The following FAS variants were observed in gnomAD, a reference collection of about 807,000 sequenced individuals.
FAS encodes the protein Fas cell surface death receptor.
A neutral mutation model predicts 33.2 loss-of-function variants in FAS; 5 were observed. That is an observed-to-expected ratio of 0.15 (90% CI 0.08 to 0.32). The LOEUF is 0.32. Ranked by LOEUF, FAS falls within the 10% of genes least tolerant of loss-of-function variation. The pLI, the probability that FAS is intolerant of heterozygous loss-of-function variation, is 1.00. For synonymous variants in FAS, 131 were observed against 130.7 expected (o/e 1.00, Z -0.01); for missense variants, 339 against 386.0 (o/e 0.88, Z 1.02).
chr10:88,992,771 A>G (rs1351669140), intron 1 of FAS, among the ~76,000 whole-genome samples: 1 of 152,146 alleles, frequency 6.6e-6, no homozygotes, highest in Non-Finnish European at 1.5e-5. Context: ...CTCCCCTCTA[A>G]TATGACTCTT....
At chr10:88,970,772 G>T (rs1440318863) in intron 1 of FAS, among the ~76,000 whole-genome samples, 2 of 152,034 alleles carry the variant, frequency 1.3e-5, no homozygotes, top group Non-Finnish European at 2.9e-5. Context: ...TAATGTAAAT[G>T]ACAAGTTAAT....
chr10:88,973,312 G>A, exon 2 of FAS: 2 of 1,591,580 alleles, frequency 1.3e-6, no homozygotes, highest in Non-Finnish European at 1.7e-6. Context: ...GAACAGCTCT[G>A]AGAGAGACAA....
intron 1 of FAS, among the ~76,000 whole-genome samples, chr10:88,966,404 G>C (rs1846318618): frequency 1.3e-5 from 2 of 152,166 alleles, no homozygotes; most frequent in Non-Finnish European, 2.9e-5. Flanking sequence ...GCTTTGAAGA[G>C]TTCACTAAGC....
rs1441120795 is a variant in FAS, at chr10:89,016,309, G to C, written c.*1859G>C. On this transcript the variant is annotated 3_prime_UTR_variant, in exon 9 of 9. Coordinates refer to ENST00000652046, the MANE Select transcript of FAS (RefSeq NM_000043.6). ...GAAAGTGTCTTTAGGCAGAAAGTCTGAGTGATCACAGGGTTCACTCATTAA... is the reference window on the plus strand; with the variant it reads ...GAAAGTGTCTTTAGGCAGAAAGTCTCAGTGATCACAGGGTTCACTCATTAA... The C allele has an allele frequency of 4.6e-6, 1 of 219,248 alleles. No individual in the cohort carries two copies. Among genetic ancestry groups the C allele is most frequent in the Non-Finnish European group, 9.2e-6 (1 of 109,260 alleles). 13.6% of individuals were successfully genotyped at this position (219,248 alleles called of 1,614,324 possible).
upstream of FAS, among the ~76,000 whole-genome samples, chr10:88,987,208 A>G (rs1166163029): frequency 3.3e-5 from 5 of 152,232 alleles, no homozygotes; most frequent in Non-Finnish European, 7.3e-5. Flanking sequence ...AGTCTACAGA[A>G]TTGTTTAAGC....
Position 89,008,037 on chromosome 10 carries a change from C to T in FAS, c.334+200C>T, listed in dbSNP as rs145912526. Reference sequence around the variant, plus strand: ...CCTTTATGAGTAAGTCTAGGCAATTCTTCCAGATATAGGAGAATGAGTAAA... The same window carrying T: ...CCTTTATGAGTAAGTCTAGGCAATTTTTCCAGATATAGGAGAATGAGTAAA... On this transcript the variant is annotated intron_variant, in intron 3 of 8. Coordinates refer to ENST00000652046, the MANE Select transcript of FAS (RefSeq NM_000043.6). 6.5e-4 allele frequency among the ~76,000 whole-genome samples: 99 copies of T among 152,300 alleles called. 1 individual carries two copies. Among genetic ancestry groups the T allele is most frequent in the African/African-American group, 2.3e-3 (96 of 41,560 alleles).
At chr10:88,969,627 G>A (rs746923552) in intron 1 of FAS, among the ~76,000 whole-genome samples, 18 of 152,072 alleles carry the variant, frequency 1.2e-4, no homozygotes, top group Non-Finnish European at 2.4e-4. Context: ...GGCTCTCTGG[G>A]ATGACCAGTT....
chr10:88,990,715 G>C (rs557366318), upstream of FAS: 1 of 797,670 alleles, frequency 1.3e-6, no homozygotes, highest in East Asian at 2.6e-5. The surrounding 1 kb of genome is among the most constrained non-coding windows in gnomAD (Gnocchi z 4.9). Flanking sequence ...AGCGGTTTAC[G>C]AGTGACTTGG....
In FAS at chr10:89,014,080, T is replaced by A. The variant is rs1481068231; in HGVS notation, c.677-39T>A. ...TGGTTTTCACTAATGGGAATTTCAT[T>A]TAGAAAAACAAATTTTCAGACTATT... On this transcript the variant is annotated intron_variant, in intron 8 of 8. Transcript: ENST00000652046. 2.5e-6 allele frequency: 4 copies of A among 1,600,404 alleles called. No individual in the cohort carries two copies. In the South Asian group the frequency reaches 4.4e-5, roughly 18 times the overall value.
rs377251325 is a variant in FAS, at chr10:89,008,879, G to A, written c.335-10G>A. ...CGCTATAACTAATAGTTTCCAAACT[G>A]ATTTTCTAGGCTTAGAAGTGGAAAT... On this transcript the variant is annotated splice_polypyrimidine_tract_variant and intron_variant, in intron 3 of 8. Transcript: ENST00000652046. The A allele has an allele frequency of 6.2e-7, 1 of 1,613,130 alleles. No individual in the cohort carries two copies. Among genetic ancestry groups the A allele is most frequent in the East Asian group, 2.2e-5 (1 of 44,878 alleles).
At chr10:89,001,743 G>A (rs888403691) in intron 1 of FAS, among the ~76,000 whole-genome samples, 12 of 152,114 alleles carry the variant, frequency 7.9e-5, no homozygotes, top group South Asian at 2.1e-4. Flanking sequence ...TCTTGTCATC[G>A]GATACAAAGA....
chr10:88,968,053 C>T (rs1846351976), intron 1 of FAS, among the ~76,000 whole-genome samples: 1 of 151,864 alleles, frequency 6.6e-6, no homozygotes, highest in Non-Finnish European at 1.5e-5. Flanking sequence ...TACTTGTGAC[C>T]TTAAGGTGTG....
chr10:88,975,860 T>C (rs1589420143), intron 2 of FAS, among the ~76,000 whole-genome samples: 1 of 152,272 alleles, frequency 6.6e-6, no homozygotes, highest in East Asian at 1.9e-4. Context: ...TAGTGCACTA[T>C]CAGTATACAG....
rs180894914 is a variant in FAS, at chr10:89,014,589, T to C, written c.*139T>C. 7 of 857,862 alleles carry C rather than the reference T, an allele frequency of 8.2e-6. No homozygotes were observed. The East Asian group carries it at 1.3e-4, about 16-fold the overall frequency. 53.1% of individuals were successfully genotyped at this position (857,862 alleles called of 1,614,324 possible). On this transcript the variant is annotated 3_prime_UTR_variant, in exon 9 of 9. Transcript: ENST00000652046. ...TAGCGCTGAAGAGCCAACATATTTG[T>C]AGATTTTTAATATCTCATGATTCTG...
At chr10:89,005,706 C>T (rs1848188620) in intron 2 of FAS, among the ~76,000 whole-genome samples, 1 of 152,130 alleles carries the variant, frequency 6.6e-6, no homozygotes, top group Admixed American at 6.6e-5. Flanking sequence ...GGCATGATCT[C>T]AGCTCACTGC....
At chr10:88,994,821 T>C (rs1840525873) in intron 1 of FAS, among the ~76,000 whole-genome samples, 1 of 151,316 alleles carries the variant, frequency 6.6e-6, no homozygotes. Flanking sequence ...TTATTATTTA[T>C]TTTTTAATTT....
At position 89,016,606 on chromosome 10, in the gene FAS, C is replaced by A. The variant is rs1352841241; in HGVS notation, c.*2156C>A. The A allele has an allele frequency of 1.8e-5, 4 of 223,974 alleles. No individual in the cohort carries two copies. Among genetic ancestry groups the A allele is most frequent in the Non-Finnish European group, 3.6e-5 (4 of 112,218 alleles). 13.9% of individuals were successfully genotyped at this position (223,974 alleles called of 1,614,324 possible). On this transcript the variant is annotated 3_prime_UTR_variant, in exon 9 of 9. Coordinates refer to ENST00000652046, the MANE Select transcript of FAS (RefSeq NM_000043.6). The stretch of plus-strand genomic sequence containing the variant: ...CATGGCTTCACCTAGTGGCCCCAAG[C>A]ATGACTTCTCCCATGTCAATGAGCA...
At chr10:89,000,743 T>C (rs1847874995) in intron 1 of FAS, among the ~76,000 whole-genome samples, 1 of 152,314 alleles carries the variant, frequency 6.6e-6, no homozygotes, top group Admixed American at 6.5e-5. Context: ...GTGGGGGCTT[T>C]GCCTAGAGGT....
At chr10:88,967,028 T>C (rs1357394582) in intron 1 of FAS, among the ~76,000 whole-genome samples, 2 of 152,206 alleles carry the variant, frequency 1.3e-5, no homozygotes, top group African/African-American at 4.8e-5. Context: ...TGGGAGTTTA[T>C]ACAACACTTA....
Sources: allele counts gnomAD v4.1 joint callset (sites outside exome capture counted in the v4.1 genomes callset), GRCh38; gene constraint gnomAD v4.1.1; non-coding constraint Gnocchi (gnomAD v3.1); transcripts MANE v1.5; gene names NCBI Gene and HGNC (gene_info 2026-07-23, HGNC 2026-07-21).